Variants in TYK2 observed in about 807,000 individuals in gnomAD.
TYK2 encodes tyrosine kinase 2, also known as non-receptor tyrosine-protein kinase TYK2.
In TYK2, 65 loss-of-function variants were observed where a neutral mutation model predicts 130.9. That is an observed-to-expected ratio of 0.50 (90% confidence interval 0.41 to 0.61). The LOEUF is 0.61. TYK2 is among the 20% of genes least tolerant of loss of function. The pLI, the probability that TYK2 is intolerant of heterozygous loss-of-function variation, is 0.00. For synonymous variants in TYK2, 647 were observed against 658.9 expected (o/e 0.98, Z 0.28); for missense variants, 1,378 against 1,610.7 (o/e 0.86, Z 2.47).
chr19:10,368,231 T>C (rs1021059002), intron 4 of TYK2, 29 bp from the exon 5 acceptor site: 3 of 1,614,014 alleles, frequency 1.9e-6, no homozygotes, highest in Admixed American at 1.7e-5. Flanking sequence ...CAGCTGGGGC[T>C]TAGCACAGAG....
chr19:10,372,484 A>ATATATATATATTTT (rs1390400916), intron 3 of TYK2, among the ~76,000 whole-genome samples: 1 of 37,424 alleles, frequency 2.7e-5, no homozygotes, highest in African/African-American at 1.3e-4. Flanking sequence ...ATATATATAT[A>ATATATATATATTTT]TTTTTTTTTT....
intron 3 of TYK2, among the ~76,000 whole-genome samples, chr19:10,372,480 ATATATT>A (rs1464351270): frequency 3.1e-5 from 2 of 64,014 alleles, no homozygotes; most frequent in Non-Finnish European, 5.4e-5. Flanking sequence ...ATATATATAT[ATATATT>A]TTTTTTTTTT....
chr19:10,366,641 G>C (rs1167759959), intron 5 of TYK2, 61 bp from the exon 6 acceptor site: 3 of 1,599,484 alleles, frequency 1.9e-6, no homozygotes, highest in Non-Finnish European at 2.6e-6. Context: ...CTAGCCCAGA[G>C]GTATCCAATC....
At position 10,365,316 on chromosome 19, in the gene TYK2, C is replaced by A. The variant is rs192036904; in HGVS notation, c.1011+201G>T. 3.8e-3 allele frequency among the ~76,000 whole-genome samples: 575 copies of A among 152,288 alleles called. 1 individual carries two copies. The highest frequency in any genetic ancestry group is 5.2e-3 in the Non-Finnish European group (355 of 67,992). On this transcript the variant is annotated intron_variant, in intron 7 of 24. Transcript: ENST00000525621. ...CAGATGAAGGGGTTCCCTGGAGGTG[C>A]AGACCCCAGAAATAAGGTCCCCAGG...
At chr19:10,372,458 C>CTATATATA (rs569826524) in intron 3 of TYK2, among the ~76,000 whole-genome samples, 78 of 45,962 alleles carry the variant, frequency 1.7e-3, no homozygotes, top group African/African-American at 8.6e-3. Context: ...CCACACACAG[C>CTATATATA]TATATATATA....
In TYK2 at chr19:10,361,193, G is replaced by C; in HGVS notation, c.2047+318C>G. ...TGAGGCCATAGTGCTGATGGGGCCA[G>C]GAGCAGATGGGGGCTGGACTGTAGA... On this transcript the variant is annotated intron_variant, in intron 14 of 24. Transcript: ENST00000525621. This position sits in a 1 kb window ranked among gnomAD's most constrained non-coding sequence, Gnocchi z 4.0. 1 of 549,974 alleles carries C rather than the reference G, an allele frequency of 1.8e-6. No individual in the cohort carries two copies. The highest frequency in any genetic ancestry group is 1.9e-5 in the South Asian group (1 of 52,978). 34.1% of individuals were successfully genotyped at this position (549,974 alleles called of 1,614,324 possible).
Position 10,368,139 on chromosome 19 carries a change from G to A in TYK2, c.381C>T (p.Pro127=). ...PREPAVYRCG[P]PGTEASSDQT... is the part of the protein sequence containing the mutation. The stretch of plus-strand genomic sequence containing the variant: ...GATCTGAGGATGCCTCGGTTCCTGG[G>A]GGCCCACAACGGTACACAGCCGGTT... Residue 127 remains proline (P), a synonymous_variant, in exon 5 of 25, where the codon CCC becomes CCT. Transcript: ENST00000525621. 6.2e-7 allele frequency: 1 copy of A among 1,614,044 alleles called. No homozygotes were observed. Among genetic ancestry groups the A allele is most frequent in the Non-Finnish European group, 8.5e-7 (1 of 1,180,014 alleles).
At chr19:10,357,547 T>G (rs1361593824) in intron 17 of TYK2, 5 of 732,884 alleles carry the variant, frequency 6.8e-6, no homozygotes, top group Non-Finnish European at 1.2e-5. Flanking sequence ...TCAAGTCTCT[T>G]ACTTGCCTTC....
chr19:10,379,099 T>C (rs1420372831), intron 2 of TYK2, among the ~76,000 whole-genome samples: 3 of 151,844 alleles, frequency 2.0e-5, no homozygotes, highest in Non-Finnish European at 4.4e-5. Flanking sequence ...CCTCAGGTGA[T>C]CCACCCGCCT....
rs1402586965 is a variant in TYK2, at chr19:10,357,746, A to AG, written c.2466+17dup. 6.3e-7 allele frequency: 1 copy of AG among 1,593,874 alleles called. No homozygotes were observed. The highest frequency in any genetic ancestry group is 8.5e-7 in the Non-Finnish European group (1 of 1,170,554). ...GGGCCCCCACTGCGGGGAGGGCCCA[A>AG]GGGTCTCCTAGACATACCTCGGAGG... On this transcript the variant is annotated intron_variant, in intron 17 of 24. Coordinates refer to ENST00000525621, the MANE Select transcript of TYK2 (RefSeq NM_003331.5).
In TYK2 at chr19:10,364,524, C is replaced by A. The variant is rs1463156289; in HGVS notation, c.1367+90G>T. 3 of 1,464,740 alleles carry A rather than the reference C, an allele frequency of 2.0e-6. No individual in the cohort carries two copies. Among genetic ancestry groups the A allele is most frequent in the African/African-American group, 2.8e-5 (2 of 71,810 alleles). The allele number at this position is 1,464,740 out of a possible 1,614,324, so 90.7% of individuals were successfully genotyped here. ...AAATAAAAAAAAAATAAGACGTGCA[C>A]CTACACACACACCCTGCACAGCCCC... On this transcript the variant is annotated intron_variant, in intron 9 of 24. Transcript: ENST00000525621. The surrounding 1 kb of genome is among the most constrained non-coding windows in gnomAD (Gnocchi z 4.9).
intron 1 of TYK2, 64 bp from the exon 2 acceptor site, chr19:10,379,843 G>A (rs2042304734): frequency 6.6e-6 from 1 of 152,314 alleles, no homozygotes; most frequent in Non-Finnish European, 1.5e-5. Flanking sequence ...ATTGTTATTA[G>A]TTTCATCGTG....
Position 10,364,766 on chromosome 19 carries a change from C to G in TYK2, c.1215G>C (p.Leu405=). 6.2e-7 allele frequency: 1 copy of G among 1,613,990 alleles called. No individual in the cohort carries two copies. Among genetic ancestry groups the G allele is most frequent in the Non-Finnish European group, 8.5e-7 (1 of 1,180,022 alleles). ...GCGCCGCAGCCCGGGAAGGCAAGCT[C>G]AGCTCCTGCCAGCCAGGGGCGCATC... The part of the protein sequence containing the change: ...IHRQDNKCLE[L]SLPSRAAALS... Residue 405 remains leucine, a synonymous_variant, in exon 9 of 25, where the codon CTG becomes CTC. Coordinates refer to ENST00000525621, the MANE Select transcript of TYK2 (RefSeq NM_003331.5). The surrounding 1 kb of genome is among the most constrained non-coding windows in gnomAD (Gnocchi z 4.9).
At chr19:10,358,188 C>T (rs1411379650) in intron 15 of TYK2, 50 bp from the exon 16 acceptor site, 2 of 1,558,536 alleles carry the variant, frequency 1.3e-6, no homozygotes, top group African/African-American at 2.7e-5. Flanking sequence ...GGCACAGACG[C>T]CAACCCCAAA....
chr19:10,375,989 G>A (rs1002642914), intron 3 of TYK2, among the ~76,000 whole-genome samples: 3 of 151,634 alleles, frequency 2.0e-5, no homozygotes, highest in African/African-American at 4.8e-5. Flanking sequence ...TGTGCAGGAG[G>A]AGGGAAAGCC....
At chr19:10,379,523 A>G (rs1240042340) in intron 2 of TYK2, 92 bp downstream of exon 2, 4 of 150,628 alleles carry the variant, frequency 2.7e-5, no homozygotes, top group Non-Finnish European at 4.4e-5. Flanking sequence ...AAATAAATAA[A>G]TAAATAAATA....
Position 10,353,180 on chromosome 19 carries a change from G to C in TYK2, c.3028-82C>G. ...CGGCAGGACCTGAGCAGCCAGGAGG[G>C]CTGGGGGACAGTCAGGTCAGGCCGG... On this transcript the variant is annotated intron_variant, in intron 21 of 24. Transcript: ENST00000525621. The surrounding 1 kb of genome is among the most constrained non-coding windows in gnomAD (Gnocchi z 6.9). The C allele has an allele frequency of 7.8e-7, 1 of 1,282,108 alleles. No individual in the cohort carries two copies. The highest frequency in any genetic ancestry group is 1.0e-6 in the Non-Finnish European group (1 of 970,038). 79.4% of individuals were successfully genotyped at this position (1,282,108 alleles called of 1,614,324 possible). A position where few individuals can be genotyped will look rare whatever the true frequency, so the allele number is the denominator to read the frequency against.
rs554422800 is a variant in TYK2 at position 10,361,358 on chromosome 19, G to A, written c.2047+153C>T. On this transcript the variant is annotated intron_variant, in intron 14 of 24. Coordinates refer to ENST00000525621, the MANE Select transcript of TYK2 (RefSeq NM_003331.5). This position sits in a 1 kb window ranked among gnomAD's most constrained non-coding sequence, Gnocchi z 4.0. The stretch of plus-strand genomic sequence containing the variant: ...GTTAGGGGTTGGGGTCTAGGTTGAA[G>A]GTCAAGGTGTAGCCCGGGATCAGAG... 6.5e-5 allele frequency: 50 copies of A among 770,924 alleles called. No individual in the cohort carries two copies. In the South Asian group the frequency reaches 7.7e-4, roughly 12 times the overall value. 47.8% of individuals were successfully genotyped at this position (770,924 alleles called of 1,614,324 possible). A position where few individuals can be genotyped will look rare whatever the true frequency, so the allele number is the denominator to read the frequency against.
In TYK2 at chr19:10,354,064, G is replaced by A. The variant is rs370943320; in HGVS notation, c.2886C>T (p.Tyr962=). Residue 962 remains tyrosine (Y), a synonymous_variant, in exon 20 of 25, where the codon TAC becomes TAT. Coordinates refer to ENST00000525621, the MANE Select transcript of TYK2 (RefSeq NM_003331.5). The part of the protein sequence containing the change: ...RTLYHEHIIK[Y]KGCCEDQGEK... ...CACCTTGGTCCTCGCAGCAGCCCTT[G>A]TACTTGATGATGTGCTCGTGGTAGA... The A allele has an allele frequency of 1.1e-5, 18 of 1,613,994 alleles. No individual in the cohort carries two copies. In the African/African-American group the frequency reaches 2.0e-4, roughly 18 times the overall value.
Sources: gnomAD v4.1 joint callset for allele counts (sites outside exome capture counted in the v4.1 genomes callset) on GRCh38, gnomAD v4.1.1 for gene constraint, Gnocchi (gnomAD v3.1) non-coding constraint, MANE v1.5 for transcripts, NCBI Gene and HGNC (gene_info 2026-07-23, HGNC 2026-07-21) for gene names.